AHRR: variants seen among roughly 807,000 people sequenced by gnomAD.
AHRR encodes ahR repressor.
AHRR carries 28 observed loss-of-function variants against 44.0 expected under a neutral mutation model. That is an observed-to-expected ratio of 0.64 (90% CI 0.47 to 0.87). AHRR has a LOEUF of 0.87. Among genes scored for constraint, AHRR ranks in the 40% least tolerant of loss-of-function variants. AHRR has a pLI of 0.00. For missense variants in AHRR, 990 were observed against 953.9 expected (o/e 1.04, Z -0.50); for synonymous variants, 434 against 407.0 (o/e 1.07, Z -0.80).
At chr5:393,764 A>G (rs1201578047) in intron 4 of AHRR, among the ~76,000 whole-genome samples, 1 of 151,980 alleles carries the variant, frequency 6.6e-6, no homozygotes, top group Non-Finnish European at 1.5e-5. Context: ...CAGCCTCCCA[A>G]GTAGCTGGGA....
chr5:385,899 A>C (rs7731963), intron 4 of AHRR, among the ~76,000 whole-genome samples: 82,832 of 151,794 alleles, frequency 0.55, 23,018 homozygotes, highest in South Asian at 0.6. Flanking sequence ...GGCTGTGTTC[A>C]TTTTTTTCAA....
At chr5:347,283 T>C (rs1324373708) in intron 2 of AHRR, among the ~76,000 whole-genome samples, 2 of 152,252 alleles carry the variant, frequency 1.3e-5, no homozygotes, top group Non-Finnish European at 2.9e-5. Flanking sequence ...AAATTAATTT[T>C]TGAATGGGTT....
At chr5:376,538 A>C (rs1733676254) in intron 3 of AHRR, 72 bp from the exon 4 acceptor site, 31 of 1,475,254 alleles carry the variant, frequency 2.1e-5, no homozygotes, top group East Asian at 4.8e-5. Context: ...GAAACACAGG[A>C]AAGATGTGAA....
chr5:355,594 G>T (rs1002028023), intron 3 of AHRR, among the ~76,000 whole-genome samples: 1 of 152,212 alleles, frequency 6.6e-6, no homozygotes, highest in African/African-American at 2.4e-5. Context: ...GTCCAGCCAG[G>T]CCAGGGCTTG....
intron 4 of AHRR, among the ~76,000 whole-genome samples, chr5:378,600 T>G (rs1378294348): frequency 1.3e-5 from 2 of 152,180 alleles, no homozygotes; most frequent in African/African-American, 4.8e-5. Flanking sequence ...TGGCTTCCCC[T>G]GGTGCACATC....
chr5:323,471 C>T (rs1741577929), intron 1 of AHRR, among the ~76,000 whole-genome samples: 2 of 152,352 alleles, frequency 1.3e-5, no homozygotes, highest in East Asian at 1.9e-4. Context: ...ACCTGAACTC[C>T]GCGAGGCTTT....
chr5:390,395 C>T (rs879688293), intron 4 of AHRR, among the ~76,000 whole-genome samples: 23 of 152,240 alleles, frequency 1.5e-4, no homozygotes, highest in African/African-American at 3.1e-4. Context: ...TCAGGATCCT[C>T]GGAGACCAGT....
rs1257488327 is a variant in AHRR, at chr5:343,902, G to A, written c.-1G>A. 9 of 1,600,196 alleles carry A rather than the reference G, an allele frequency of 5.6e-6. No individual in the cohort carries two copies. The highest frequency in any genetic ancestry group is 7.7e-6 in the Non-Finnish European group (9 of 1,174,266). On this transcript the variant is annotated 5_prime_UTR_variant, in exon 2 of 11. Coordinates refer to ENST00000684583, the MANE Select transcript of AHRR (RefSeq NM_001377236.1). ...CCCCCTTGTCTTCCAGGCCGAGGACGATGATCCCGCCGGGGGAGTGCACGT... is the reference window on the plus strand; with the variant it reads ...CCCCCTTGTCTTCCAGGCCGAGGACAATGATCCCGCCGGGGGAGTGCACGT...
chr5:410,355 C>G (rs1274270488), intron 4 of AHRR, among the ~76,000 whole-genome samples: 1 of 152,118 alleles, frequency 6.6e-6, no homozygotes, highest in African/African-American at 2.4e-5. Flanking sequence ...CACCACCATG[C>G]CCAGCTAGTT....
intron 1 of AHRR, 21 bp from the exon 2 acceptor site, chr5:343,872 G>T (rs978847106): frequency 1.9e-6 from 3 of 1,589,456 alleles, no homozygotes; most frequent in Non-Finnish European, 1.7e-6. Context: ...TCCGGTGACC[G>T]GGTGCCCCCT....
At chr5:354,549 C>G (rs1027654106) in intron 3 of AHRR, among the ~76,000 whole-genome samples, 1 of 152,188 alleles carries the variant, frequency 6.6e-6, no homozygotes, top group African/African-American at 2.4e-5. Flanking sequence ...CCTTAGATTT[C>G]AGGTTATTGC....
In AHRR at chr5:370,162, C is replaced by T. The variant is rs1315881518; in HGVS notation, c.245-6448C>T. Among the ~76,000 whole-genome samples, 3 of 141,520 alleles carry T rather than the reference C, an allele frequency of 2.1e-5. No individual in the cohort carries two copies. The highest frequency in any genetic ancestry group is 4.6e-5 in the Non-Finnish European group (3 of 65,188). The allele number at this position is 141,520 out of a possible 152,430, so 92.8% of individuals were successfully genotyped here. A position where few individuals can be genotyped will look rare whatever the true frequency, so the allele number is the denominator to read the frequency against. On this transcript the variant is annotated intron_variant, in intron 3 of 10. Coordinates refer to ENST00000684583, the MANE Select transcript of AHRR (RefSeq NM_001377236.1). This position sits in a 1 kb window ranked among gnomAD's most constrained non-coding sequence, Gnocchi z 4.5. The stretch of plus-strand genomic sequence containing the variant: ...CTGGTGCCCCGTCCTCCCGGGCCCT[C>T]GCTGGAAGCCCCGTCCTCCCGGGCC...
At position 435,523 on chromosome 5, in the gene AHRR, C is replaced by CAT. The variant is rs1347845846; in HGVS notation, c.*690_*691insTA. The CAT allele has an allele frequency of 6.6e-6, 1 of 152,520 alleles. No individual in the cohort carries two copies. The highest frequency in any genetic ancestry group is 1.9e-4 in the East Asian group (1 of 5,342). The allele number at this position is 152,520 out of a possible 1,614,324, so 9.4% of individuals were successfully genotyped here. ...CGGCAGGTGCTCCATGGCGCCATGA[C>CAT]AGAGTCTGAGGCCAGACCTGGACTG... On this transcript the variant is annotated 3_prime_UTR_variant, in exon 11 of 11. Coordinates refer to ENST00000684583, the MANE Select transcript of AHRR (RefSeq NM_001377236.1).
At chr5:345,495 T>A (rs1306241628) in intron 2 of AHRR, among the ~76,000 whole-genome samples, 1 of 93,456 alleles carries the variant, frequency 1.1e-5, no homozygotes, top group African/African-American at 3.3e-5. Flanking sequence ...GGGATGTGTG[T>A]ATGTGGGGGG....
At chr5:328,839 G>T (rs1473053333) in intron 1 of AHRR, among the ~76,000 whole-genome samples, 1 of 152,118 alleles carries the variant, frequency 6.6e-6, no homozygotes, top group Non-Finnish European at 1.5e-5. Context: ...CGTTTAACAG[G>T]TTATATTGTC....
At chr5:366,498 T>G (rs1743365610) in intron 3 of AHRR, among the ~76,000 whole-genome samples, 1 of 152,162 alleles carries the variant, frequency 6.6e-6, no homozygotes. Flanking sequence ...AGAAGAGAGA[T>G]GACTATAGAA....
intron 3 of AHRR, among the ~76,000 whole-genome samples, 187 bp from the exon 4 acceptor site, chr5:376,423 C>T (rs1477040530): frequency 6.4e-5 from 1 of 15,552 alleles, no homozygotes; most frequent in Non-Finnish European, 5.0e-4. Context: ...TCAGCTCCTC[C>T]TGCCCCACCT....
In AHRR at chr5:383,114, A is replaced by G. The variant is rs1252942916; in HGVS notation, c.351+6398A>G. ...TATTGAATTCTGGCTCAATTTTGTTATGGTCAGAGAATATACTTTTTAATG... is the reference window on the plus strand; with the variant it reads ...TATTGAATTCTGGCTCAATTTTGTTGTGGTCAGAGAATATACTTTTTAATG... On this transcript the variant is annotated intron_variant, in intron 4 of 10. Coordinates refer to ENST00000684583, the MANE Select transcript of AHRR (RefSeq NM_001377236.1). The surrounding 1 kb of genome is among the most constrained non-coding windows in gnomAD (Gnocchi z 4.0). Among the ~76,000 whole-genome samples the G allele has an allele frequency of 6.6e-6, 1 of 152,230 alleles. No individual in the cohort carries two copies. Among genetic ancestry groups the G allele is most frequent in the African/African-American group, 2.4e-5 (1 of 41,464 alleles).
rs1321345633 is a variant in AHRR, at chr5:342,773, A to G, written c.-10-1120A>G. On this transcript the variant is annotated intron_variant, in intron 1 of 10. Transcript: ENST00000684583. The surrounding 1 kb of genome is among the most constrained non-coding windows in gnomAD (Gnocchi z 4.3). ...CTCAGCTGCACCCATTGCAAGGAAA[A>G]TCAAGATTCTGTGAGAAGAAGGGTG... Among the ~76,000 whole-genome samples, 1 of 152,196 alleles carries G rather than the reference A, an allele frequency of 6.6e-6. No homozygotes were observed.
Sources: gnomAD v4.1 joint callset for allele counts (sites outside exome capture counted in the v4.1 genomes callset) on GRCh38, gnomAD v4.1.1 for gene constraint, Gnocchi (gnomAD v3.1) non-coding constraint, MANE v1.5 for transcripts, NCBI Gene and HGNC (gene_info 2026-07-23, HGNC 2026-07-21) for gene names.